The following MYCBP2 variants were observed in gnomAD, a reference collection of about 807,000 sequenced individuals.
MYCBP2 encodes the protein MYC binding protein 2, also known as E3 ubiquitin-protein ligase MYCBP2.
A neutral mutation model predicts 525.3 loss-of-function variants in MYCBP2; 120 were observed. The ratio of observed to expected loss-of-function variants is 0.23; its 90% CI spans 0.20 to 0.27. The LOEUF (loss-of-function observed/expected upper bound fraction) is 0.27, where lower values mean the gene tolerates loss of function less well. Among genes scored for constraint, MYCBP2 ranks in the 10% least tolerant of loss-of-function variants. MYCBP2 has a pLI of 1.00. For missense variants in MYCBP2, 4,149 were observed against 5,657.1 expected (o/e 0.73, Z 8.55); for synonymous variants, 1,894 against 1,955.8 (o/e 0.97, Z 0.83).
At chr13:77,129,222 A>G (rs1875181679) in intron 52 of MYCBP2, 2 of 397,924 alleles carry the variant, frequency 5.0e-6, no homozygotes, top group Non-Finnish European at 8.9e-6. Flanking sequence ...GGCTAGCATT[A>G]AAGATATTCT....
intron 1 of MYCBP2, among the ~76,000 whole-genome samples, chr13:77,316,132 C>T (rs9600860): frequency 0.1 from 15,708 of 151,826 alleles, 1,077 homozygotes; most frequent in Non-Finnish European, 0.16. Context: ...ATCTAGAGAT[C>T]AGAAAGAAAG....
At chr13:77,203,803 C>T (rs1454429254) in intron 26 of MYCBP2, among the ~76,000 whole-genome samples, 1 of 151,782 alleles carries the variant, frequency 6.6e-6, no homozygotes, top group Non-Finnish European at 1.5e-5. Flanking sequence ...GGAAAGGATT[C>T]CCTATTTAAT....
At chr13:77,312,879 A>G (rs2080444466) in intron 1 of MYCBP2, among the ~76,000 whole-genome samples, 2 of 152,190 alleles carry the variant, frequency 1.3e-5, no homozygotes, top group South Asian at 4.1e-4. Flanking sequence ...AACTTTAAAT[A>G]TAAAAACATA....
chr13:77,280,586 A>G (rs1331738868), intron 3 of MYCBP2, among the ~76,000 whole-genome samples: 4 of 152,210 alleles, frequency 2.6e-5, no homozygotes, highest in African/African-American at 9.6e-5. Flanking sequence ...ATTTTTGGCT[A>G]AGGTTCATTT....
intron 45 of MYCBP2, among the ~76,000 whole-genome samples, chr13:77,157,043 A>G (rs1458002167): frequency 3.3e-5 from 5 of 152,208 alleles, no homozygotes; most frequent in African/African-American, 1.2e-4. Flanking sequence ...AAAAACAAAA[A>G]GCAACAAAAA....
chr13:77,261,418 A>AT (rs1348522517), intron 11 of MYCBP2, 43 bp from the exon 12 acceptor site: 3 of 1,426,680 alleles, frequency 2.1e-6, no homozygotes, highest in Admixed American at 1.9e-5. Context: ...ACTTTTTGGA[A>AT]TAGTGCATCA....
intron 61 of MYCBP2, among the ~76,000 whole-genome samples, chr13:77,088,272 T>C (rs1474970213): frequency 1.3e-5 from 2 of 152,162 alleles, no homozygotes; most frequent in African/African-American, 4.8e-5. Flanking sequence ...TTTTTCCAAC[T>C]TGCATCTGGA....
intron 1 of MYCBP2, among the ~76,000 whole-genome samples, chr13:77,321,607 A>C (rs1205884717): frequency 6.6e-6 from 1 of 152,224 alleles, no homozygotes; most frequent in Admixed American, 6.5e-5. Context: ...ACTGTCCTTC[A>C]TGACACCTGC....
At position 77,209,858 on chromosome 13, in the gene MYCBP2, C is replaced by T. The variant is rs2063766290; in HGVS notation, c.3416+1309G>A. On this transcript the variant is annotated intron_variant, in intron 23 of 82. Coordinates refer to ENST00000544440, the MANE Select transcript of MYCBP2 (RefSeq NM_015057.5). ...CTCGTTATTAATCTCTATTTTGGAA[C>T]ACGGAAGAAAATTACCAAGGAGTTG... Among the ~76,000 whole-genome samples the T allele has an allele frequency of 2.6e-5, 4 of 152,202 alleles. No individual in the cohort carries two copies. The South Asian group carries it at 8.3e-4, about 32-fold the overall frequency.
intron 55 of MYCBP2, chr13:77,118,203 T>C (rs1412359293): frequency 1.7e-6 from 1 of 586,090 alleles, no homozygotes; most frequent in Non-Finnish European, 3.0e-6. Context: ...CTTAGATATT[T>C]CAAAAATGTG....
At chr13:77,202,452 T>C (rs1413100678) in intron 26 of MYCBP2, among the ~76,000 whole-genome samples, 1 of 152,164 alleles carries the variant, frequency 6.6e-6, no homozygotes, top group Non-Finnish European at 1.5e-5. Flanking sequence ...CACAGCCGAA[T>C]TCTACCAGAG....
chr13:77,182,823 A>G (rs1248077648), intron 32 of MYCBP2, among the ~76,000 whole-genome samples: 2 of 151,914 alleles, frequency 1.3e-5, no homozygotes. Context: ...GAGTGTAGAT[A>G]CCACGTGTCT....
chr13:77,058,326 C>T lies in MYCBP2; in HGVS notation c.13221G>A (p.Leu4407=), dbSNP rs1357569354. Residue 4407 remains leucine (L), a synonymous_variant, in exon 78 of 83, where the codon CTG becomes CTA. Transcript: ENST00000544440. The surrounding 1 kb of genome is among the most constrained non-coding windows in gnomAD (Gnocchi z 4.1). ...CGGVKNEEHC[L]PCLHGCDKSA... Reference sequence around the variant, plus strand: ...TTTTGTCACAGCCGTGTAGACAGGGCAGACAGTGCTCTTCGTTTTTAACAC... The same window carrying T: ...TTTTGTCACAGCCGTGTAGACAGGGTAGACAGTGCTCTTCGTTTTTAACAC... The T allele has an allele frequency of 6.2e-7, 1 of 1,614,020 alleles. No homozygotes were observed. The highest frequency in any genetic ancestry group is 1.3e-5 in the African/African-American group (1 of 74,908).
intron 48 of MYCBP2, among the ~76,000 whole-genome samples, 196 bp from the exon 49 acceptor site, chr13:77,144,756 CCT>C (rs1359585335): frequency 1.3e-5 from 2 of 152,140 alleles, no homozygotes; most frequent in African/African-American, 2.4e-5. Context: ...CACCTCTCTT[CCT>C]AACTCTCAGG....
chr13:77,126,585 T>C, intron 52 of MYCBP2, 43 bp from the exon 53 acceptor site: 1 of 1,477,124 alleles, frequency 6.8e-7, no homozygotes, highest in Non-Finnish European at 9.3e-7. Context: ...AAATACAATC[T>C]ATTATCACTT....
chr13:77,080,389 T>A (rs2043096737), intron 65 of MYCBP2: 1 of 152,168 alleles, frequency 6.6e-6, no homozygotes, highest in South Asian at 2.1e-4. Context: ...CTGTATCTGC[T>A]AGCAAGCCAC....
In MYCBP2 at chr13:77,180,174, G is replaced by A. The variant is rs768671226; in HGVS notation, c.5086C>T (p.Leu1696=). Residue 1696 remains leucine, a synonymous_variant, in exon 34 of 83, where the codon CTG becomes TTG. Transcript: ENST00000544440. ...GTCAGTTCACTGACAATGCTGGCCA[G>A]TAATCCACAGGTGTTAGAGACGAGG... ...SHLVSNTCGL[L]ASIVSELTAS... is the part of the protein sequence containing the mutation. 5.0e-6 allele frequency: 8 copies of A among 1,613,988 alleles called. No homozygotes were observed. Among genetic ancestry groups the A allele is most frequent in the Non-Finnish European group, 5.9e-6 (7 of 1,179,986 alleles).
rs922928629 is a variant in MYCBP2 at position 77,156,080 on chromosome 13, A to T, written c.6893T>A (p.Val2298Glu). Residue 2298 changes from valine to glutamate, a missense_variant, in exon 46 of 83, where the codon GTG (valine) becomes GAG (glutamate). Transcript: ENST00000544440. ...TVQTKDQYGD[V>E]VHVPNMKVEV... ...TACCTTCATATTGGGAACATGTACC[A>T]CATCCCCATACTGGTCTTTTGTTTG... 11 of 1,613,484 alleles carry T rather than the reference A, an allele frequency of 6.8e-6. No individual in the cohort carries two copies. The highest frequency in any genetic ancestry group is 8.5e-6 in the Non-Finnish European group (10 of 1,179,712).
intron 18 of MYCBP2, among the ~76,000 whole-genome samples, chr13:77,229,164 C>T (rs1367028277): frequency 2.6e-5 from 4 of 152,240 alleles, no homozygotes; most frequent in African/African-American, 7.2e-5. Context: ...CAACTGGACA[C>T]TGGACCTTCT....
Sources: gnomAD v4.1 joint callset for allele counts (sites outside exome capture counted in the v4.1 genomes callset) on GRCh38, gnomAD v4.1.1 for gene constraint, Gnocchi (gnomAD v3.1) non-coding constraint, MANE v1.5 for transcripts, NCBI Gene and HGNC (gene_info 2026-07-23, HGNC 2026-07-21) for gene names.